Variants in ABCC1 observed in about 807,000 individuals in gnomAD.
ABCC1 encodes the protein ATP binding cassette subfamily C member 1 (ABCC1 blood group), also known as multidrug resistance-associated protein 1.
Under a neutral mutation model 172.9 loss-of-function variants are expected in ABCC1, and 83 were observed. The observed-to-expected ratio is 0.48, with a 90% CI of 0.40 to 0.58. The LOEUF is 0.58. ABCC1 is among the 20% of genes least tolerant of loss of function. ABCC1 has a pLI of 0.00. For synonymous variants in ABCC1, 937 were observed against 825.2 expected (o/e 1.14, Z -2.32); for missense variants, 1,817 against 2,002.7 (o/e 0.91, Z 1.77).
intron 18 of ABCC1, among the ~76,000 whole-genome samples, chr16:16,088,139 G>GTA (rs3072721): frequency 0.4 from 60,843 of 151,748 alleles, 14,397 homozygotes; most frequent in Non-Finnish European, 0.53. Context: ...GTGTGTGTGT[G>GTA]TGTGTGTGTG....
chr16:16,016,243 T>G (rs1231086328), intron 4 of ABCC1, among the ~76,000 whole-genome samples: 2 of 134,242 alleles, frequency 1.5e-5, no homozygotes, highest in African/African-American at 5.4e-5. Context: ...AGCCTCCGCC[T>G]CCTGGGTTCA....
intron 1 of ABCC1, among the ~76,000 whole-genome samples, chr16:16,003,128 GTGGA>G (rs2047378764): frequency 6.6e-6 from 1 of 152,226 alleles, no homozygotes; most frequent in African/African-American, 2.4e-5. Context: ...GGATTGGTTG[GTGGA>G]TGGATGGATG....
At chr16:16,069,322 C>T (rs1376582998) in intron 13 of ABCC1, among the ~76,000 whole-genome samples, 1 of 151,856 alleles carries the variant, frequency 6.6e-6, no homozygotes, top group African/African-American at 2.4e-5. Flanking sequence ...TGCAGTGAGT[C>T]ATAGTCTCAC....
intron 2 of ABCC1, among the ~76,000 whole-genome samples, chr16:16,008,322 C>T (rs1281153367): frequency 6.6e-6 from 1 of 151,628 alleles, no homozygotes; most frequent in East Asian, 2.0e-4. Context: ...GAGCCGATCT[C>T]CTTTTTATTT....
Position 16,053,774 on chromosome 16 carries a change from C to CAAAAAAAA in ABCC1, c.1473+991_1473+998dup, listed in dbSNP as rs10526186. Among the ~76,000 whole-genome samples the CAAAAAAAA allele has an allele frequency of 4.4e-4, 16 of 36,216 alleles. 2 individuals are homozygous for CAAAAAAAA. The highest frequency in any genetic ancestry group is 8.6e-4 in the Non-Finnish European group (12 of 14,012). 23.8% of individuals were successfully genotyped at this position (36,216 alleles called of 152,430 possible). ...TGCACAACAGAGTGAGACCCTGTCTCAAAAAAAAAAAAAAAAAAAAAAAAA... is the reference window on the plus strand; with the variant it reads ...TGCACAACAGAGTGAGACCCTGTCTCAAAAAAAAAAAAAAAAAAAAAAAAAAAAAAAAA... On this transcript the variant is annotated intron_variant, in intron 11 of 30. Transcript: ENST00000399410.
chr16:16,138,704 C>A, intron 30 of ABCC1, 146 bp downstream of exon 30: 2 of 463,484 alleles, frequency 4.3e-6, no homozygotes, highest in Non-Finnish European at 7.2e-6. Context: ...CTGGATGGTA[C>A]CAGCTATTTC....
rs2045923149 is a variant in ABCC1 at position 15,953,515 on chromosome 16, AGTGAATAGCG to A, written c.48+3721_48+3730del. ...CCCTATGTGGGATAACGTAGTACCTAGTGAATAGCGGTGACTTGAGGAATAAGTGAGTTAA... is the reference window on the plus strand; with the variant it reads ...CCCTATGTGGGATAACGTAGTACCTAGTGACTTGAGGAATAAGTGAGTTAA... On this transcript the variant is annotated intron_variant, in intron 1 of 30. Transcript: ENST00000399410. Among the ~76,000 whole-genome samples the A allele has an allele frequency of 7.2e-5, 11 of 152,306 alleles. No individual in the cohort carries two copies. In the South Asian group the frequency reaches 2.3e-3, roughly 32 times the overall value.
At chr16:15,982,633 C>T (rs1271628072) in intron 1 of ABCC1, among the ~76,000 whole-genome samples, 1 of 119,948 alleles carries the variant, frequency 8.3e-6, no homozygotes, top group African/African-American at 3.0e-5. Context: ...CAAGCCATAT[C>T]ACTGTCTCTA....
intron 19 of ABCC1, chr16:16,098,172 AG>A (rs1363321860): frequency 6.5e-6 from 1 of 153,526 alleles, no homozygotes; most frequent in Non-Finnish European, 1.5e-5. Flanking sequence ...CTGTCCTCAA[AG>A]GGGCTGGAGC....
chr16:15,964,119 T>C (rs574721190), intron 1 of ABCC1, among the ~76,000 whole-genome samples: 2 of 152,246 alleles, frequency 1.3e-5, no homozygotes, highest in African/African-American at 4.8e-5. Flanking sequence ...AATGTTTGTA[T>C]TTTTGTAGAG....
intron 19 of ABCC1, 136 bp downstream of exon 19, chr16:16,090,724 C>T (rs1033095611): frequency 5.0e-5 from 48 of 963,160 alleles, no homozygotes; most frequent in Admixed American, 6.7e-5. Context: ...TGGATGGAGC[C>T]CCCTAAAGAA....
chr16:16,114,909 C>T lies in ABCC1; in HGVS notation c.3223C>T (p.Arg1075Cys), dbSNP rs765845567. The T allele has an allele frequency of 1.7e-5, 28 of 1,613,754 alleles. No individual in the cohort carries two copies. Among genetic ancestry groups the T allele is most frequent in the Non-Finnish European group, 2.3e-5 (27 of 1,179,886 alleles). ...GACCCCCAGTGGGAACCTGGTGAACCGCTTCTCCAAGGAGCTGGACACAGT... is the reference window on the plus strand; with the variant it reads ...GACCCCCAGTGGGAACCTGGTGAACTGCTTCTCCAAGGAGCTGGACACAGT... ...ERTPSGNLVN[R>C]FSKELDTVDS... The change falls in exon 23 of 31, where the codon CGC (arginine) becomes TGC (cysteine). Residue 1075 changes from arginine to cysteine, a missense_variant. Physicochemically the swap from Arg to Cys is radical, Grantham distance 180 (BLOSUM62 -3). Around this residue, in one of 3 missense-constraint regions of ABCC1, gnomAD observed 1,412 missense variants for 1,600.3 expected, o/e 0.88. Transcript: ENST00000399410.
intron 26 of ABCC1, among the ~76,000 whole-genome samples, chr16:16,128,281 G>A (rs376392709): frequency 1.8e-4 from 27 of 152,070 alleles, no homozygotes; most frequent in African/African-American, 6.0e-4. Context: ...GGGTTCAAGC[G>A]ATTCCCAGCC....
intron 1 of ABCC1, among the ~76,000 whole-genome samples, chr16:15,991,863 T>C (rs1597079800): frequency 1.3e-5 from 2 of 152,190 alleles, no homozygotes; most frequent in East Asian, 3.9e-4. Flanking sequence ...TCCCCTAGGA[T>C]CTTCTCCTAG....
At chr16:15,971,307 G>C (rs940201225) in intron 1 of ABCC1, among the ~76,000 whole-genome samples, 1 of 152,158 alleles carries the variant, frequency 6.6e-6, no homozygotes. Context: ...CACTTGGGGA[G>C]GTGTGGTGGC....
chr16:16,013,270 G>GTTTTTTTTTTTTT (rs35420214), intron 3 of ABCC1, among the ~76,000 whole-genome samples: 2 of 145,798 alleles, frequency 1.4e-5, no homozygotes. Flanking sequence ...GCCAGCACAT[G>GTTTTTTTTTTTTT]TTTTTTTTTT....
chr16:16,055,177 C>G (rs961807691), intron 11 of ABCC1, among the ~76,000 whole-genome samples: 4 of 152,066 alleles, frequency 2.6e-5, no homozygotes, highest in African/African-American at 9.7e-5. Context: ...CTGCAGTGAG[C>G]TATGATCATG....
intron 1 of ABCC1, among the ~76,000 whole-genome samples, chr16:15,952,531 A>G (rs1188385344): frequency 6.6e-6 from 1 of 151,988 alleles, no homozygotes; most frequent in East Asian, 1.9e-4. Context: ...CTTTACTCAG[A>G]CAGATGCTCT....
intron 14 of ABCC1, among the ~76,000 whole-genome samples, chr16:16,072,397 C>A (rs1046437028): frequency 6.6e-6 from 1 of 151,906 alleles, no homozygotes; most frequent in African/African-American, 2.4e-5. Context: ...GTTGTCCAGG[C>A]CGGTCTCGAA....
Sources: gnomAD v4.1 joint callset for allele counts (sites outside exome capture counted in the v4.1 genomes callset) on GRCh38, gnomAD v4.1.1 for gene constraint, gnomAD v4.1.1 regional missense constraint, MANE v1.5 for transcripts, NCBI Gene and HGNC (gene_info 2026-07-23, HGNC 2026-07-21) for gene names.